Variants in SGCZ observed in about 807,000 individuals in gnomAD.
The protein encoded by SGCZ is zeta-sarcoglycan.
In SGCZ, 40 loss-of-function variants were observed where a neutral mutation model predicts 41.3. The observed-to-expected ratio is 0.97, with a 90% confidence interval of 0.75 to 1.26. The LOEUF is 1.26. SGCZ is among the 50% of genes most tolerant of loss of function. SGCZ has a pLI of 0.00. For synonymous variants in SGCZ, 206 were observed against 137.5 expected, an observed-to-expected ratio of 1.50 and a Z score of -3.49; for missense variants, 552 against 369.8, an observed-to-expected ratio of 1.49 and a Z score of -4.04.
At chr8:15,060,683 A>T (rs74892631) in intron 1 of SGCZ, among the ~76,000 whole-genome samples, 1 of 152,116 alleles carries the variant, frequency 6.6e-6, no homozygotes, top group African/African-American at 2.4e-5. Flanking sequence ...AAAAAAAAAA[A>T]AAAAGTCTCC....
chr8:14,644,687 T>C (rs566813825), intron 1 of SGCZ, among the ~76,000 whole-genome samples: 22 of 151,802 alleles, frequency 1.4e-4, no homozygotes, highest in African/African-American at 5.3e-4. Flanking sequence ...GCTTCAAAAT[T>C]TTAAGAGACC....
At chr8:14,125,900 G>C (rs1185130488) in intron 5 of SGCZ, among the ~76,000 whole-genome samples, 1 of 152,140 alleles carries the variant, frequency 6.6e-6, no homozygotes, top group Non-Finnish European at 1.5e-5. Flanking sequence ...ATAAATGGTT[G>C]GTGCTGGGAA....
intron 1 of SGCZ, among the ~76,000 whole-genome samples, chr8:14,762,712 GTA>G (rs1470150838): frequency 2.0e-5 from 3 of 152,208 alleles, no homozygotes; most frequent in Admixed American, 1.3e-4. Flanking sequence ...CTTCTACAGT[GTA>G]TATGTTTATT....
intron 4 of SGCZ, among the ~76,000 whole-genome samples, chr8:14,203,296 T>C (rs559344222): frequency 3.3e-5 from 5 of 152,342 alleles, no homozygotes; most frequent in Admixed American, 2.0e-4. Flanking sequence ...TGGTAAGTGC[T>C]GTTAAGACGA....
chr8:14,541,235 C>G (rs1233855939), intron 2 of SGCZ, among the ~76,000 whole-genome samples: 1 of 151,900 alleles, frequency 6.6e-6, no homozygotes, highest in Non-Finnish European at 1.5e-5. Flanking sequence ...CTGCACCTAT[C>G]AACCCAAGAT....
intron 2 of SGCZ, among the ~76,000 whole-genome samples, chr8:14,514,192 C>A (rs901606080): frequency 6.6e-6 from 1 of 152,002 alleles, no homozygotes; most frequent in Admixed American, 6.6e-5. Flanking sequence ...AATGATAACT[C>A]TTCTGGTGTA....
chr8:14,886,853 G>C (rs76546190), intron 1 of SGCZ, among the ~76,000 whole-genome samples: 5,767 of 152,176 alleles, frequency 0.038, 386 homozygotes, highest in African/African-American at 0.13. Flanking sequence ...TGGCACCCAG[G>C]ATGCAAGTTG....
At chr8:14,327,694 T>C (rs893953138) in intron 2 of SGCZ, among the ~76,000 whole-genome samples, 7 of 152,218 alleles carry the variant, frequency 4.6e-5, no homozygotes, top group Non-Finnish European at 7.3e-5. Context: ...TCTTCTTATA[T>C]TTTCTACTTA....
At chr8:14,191,475 T>C (rs1805101439) in intron 4 of SGCZ, among the ~76,000 whole-genome samples, 1 of 152,238 alleles carries the variant, frequency 6.6e-6, no homozygotes, top group South Asian at 2.1e-4. Flanking sequence ...GTCTTAGGTA[T>C]AGATCTTTAA....
intron 1 of SGCZ, among the ~76,000 whole-genome samples, chr8:15,192,676 C>A (rs1002963755): frequency 6.6e-6 from 1 of 152,026 alleles, no homozygotes; most frequent in African/African-American, 2.4e-5. Flanking sequence ...AACAAACCAC[C>A]TTCACAACCA....
intron 1 of SGCZ, among the ~76,000 whole-genome samples, chr8:14,915,754 C>G (rs1585375765): frequency 6.6e-6 from 1 of 152,248 alleles, no homozygotes; most frequent in East Asian, 1.9e-4. Context: ...GTCCCTGCCT[C>G]CCTGCTTTTT....
chr8:14,592,441 T>C (rs1563138052), intron 1 of SGCZ, among the ~76,000 whole-genome samples: 1 of 152,158 alleles, frequency 6.6e-6, no homozygotes, highest in African/African-American at 2.4e-5. Context: ...AGGATTCTAT[T>C]TTCAATTGGC....
intron 2 of SGCZ, among the ~76,000 whole-genome samples, chr8:14,325,089 A>AT (rs1328328272): frequency 2.0e-5 from 3 of 152,166 alleles, no homozygotes; most frequent in African/African-American, 7.2e-5. Flanking sequence ...GAATGTACTT[A>AT]AGTCAGATTC....
chr8:14,091,263 T>A (rs549622228), intron 7 of SGCZ, among the ~76,000 whole-genome samples: 6 of 151,862 alleles, frequency 4.0e-5, no homozygotes, highest in Non-Finnish European at 8.8e-5. Context: ...TGGTCCCAAA[T>A]CCCTGCTATT....
intron 1 of SGCZ, among the ~76,000 whole-genome samples, chr8:15,065,740 T>G (rs1464877474): frequency 6.6e-6 from 1 of 152,116 alleles, no homozygotes; most frequent in African/African-American, 2.4e-5. Flanking sequence ...GATGGTATTG[T>G]AATTCTTGAG....
intron 1 of SGCZ, among the ~76,000 whole-genome samples, chr8:14,807,109 C>G (rs1472426509): frequency 5.3e-5 from 8 of 151,690 alleles, no homozygotes; most frequent in Non-Finnish European, 1.5e-5. Context: ...TATGACAAAC[C>G]CACAGCCAAT....
At chr8:14,233,597 G>GATAT (rs5889522) in intron 4 of SGCZ, among the ~76,000 whole-genome samples, 7,219 of 145,408 alleles carry the variant, frequency 0.05, 238 homozygotes, top group East Asian at 0.11. Flanking sequence ...ATAAAATATA[G>GATAT]ATATATATAT....
intron 1 of SGCZ, among the ~76,000 whole-genome samples, chr8:14,913,989 A>C (rs1351114765): frequency 6.6e-6 from 1 of 152,056 alleles, no homozygotes; most frequent in African/African-American, 2.4e-5. Flanking sequence ...ATAAAAAAAA[A>C]TTAGCTTAGA....
intron 1 of SGCZ, among the ~76,000 whole-genome samples, chr8:14,673,577 T>C (rs1808178952): frequency 6.6e-6 from 1 of 152,142 alleles, no homozygotes; most frequent in Non-Finnish European, 1.5e-5. Context: ...TGTGAGTCAA[T>C]TAAACCTCTC....
Sources: allele counts gnomAD v4.1 joint callset (sites outside exome capture counted in the v4.1 genomes callset), GRCh38; gene constraint gnomAD v4.1.1; transcripts MANE v1.5; gene names NCBI Gene and HGNC (gene_info 2026-07-23, HGNC 2026-07-21).